The following BNIPL variants were observed in gnomAD, a reference collection of about 807,000 sequenced individuals.
BNIPL encodes the protein bcl-2/adenovirus E1B 19 kDa-interacting protein 2-like protein.
In BNIPL, 33 loss-of-function variants were observed where a neutral mutation model predicts 47.0. The ratio of observed to expected loss-of-function variants is 0.70; its 90% CI spans 0.53 to 0.94. The LOEUF is 0.94. Ranked by LOEUF, BNIPL falls within the 40% of genes least tolerant of loss-of-function variation. The pLI, the probability that BNIPL is intolerant of heterozygous loss-of-function variation, is 0.00. For synonymous variants in BNIPL, 145 were observed against 162.7 expected, an observed-to-expected ratio of 0.89 and a Z score of 0.83; for missense variants, 404 against 445.2, an observed-to-expected ratio of 0.91 and a Z score of 0.83.
At chr1:151,036,884 AAG>A (rs1675619446) in intron 1 of BNIPL, 118 bp downstream of exon 1, 4 of 1,035,844 alleles carry the variant, frequency 3.9e-6, no homozygotes, top group Admixed American at 1.8e-5. Flanking sequence ...ACAAGACTGT[AAG>A]AGAGTTTGCA....
intron 1 of BNIPL, 91 bp from the exon 2 acceptor site, chr1:151,037,476 C>T (rs1675652839): frequency 6.6e-7 from 1 of 1,510,250 alleles, no homozygotes; most frequent in African/African-American, 1.4e-5. Context: ...GGCCTATCCT[C>T]TGCTCTGTAT....
chr1:151,045,839 A>G lies in BNIPL; in HGVS notation c.894A>G (p.Thr298=), dbSNP rs747372835. The G allele has an allele frequency of 1.9e-6, 3 of 1,614,052 alleles. No homozygotes were observed. The highest frequency in any genetic ancestry group is 2.7e-5 in the African/African-American group (2 of 74,912). The part of the protein sequence containing the change: ...NLRALVVVHA[T]WYVKAFLALL... ...GAGCCCTGGTGGTTGTCCATGCTAC[A>G]TGGTATGTGAAAGCATTTCTGGCAC... The change falls in exon 8 of 10, where the codon ACA becomes ACG. Residue 298 remains threonine (T), a synonymous_variant. Coordinates refer to ENST00000368931, the MANE Select transcript of BNIPL (RefSeq NM_138278.4).
chr1:151,043,017 T>C lies in BNIPL; in HGVS notation c.495T>C (p.Gly165=), dbSNP rs768887463. The C allele has an allele frequency of 2.4e-5, 38 of 1,609,986 alleles. No individual in the cohort carries two copies. Among genetic ancestry groups the C allele is most frequent in the Non-Finnish European group, 3.0e-5 (35 of 1,179,004 alleles). The change falls in exon 5 of 10, where the codon GGT becomes GGC. Residue 165 remains glycine, a synonymous_variant. Coordinates refer to ENST00000368931, the MANE Select transcript of BNIPL (RefSeq NM_138278.4). ...AGACAGCTGAAAGGCTGGGCCGAGGTTGTATGTGGGATGTGACTGGAGAAG... is the reference window on the plus strand; with the variant it reads ...AGACAGCTGAAAGGCTGGGCCGAGGCTGTATGTGGGATGTGACTGGAGAAG... The part of the protein sequence containing the change: ...TSETAERLGR[G]CMWDVTGEDG...
At chr1:151,038,447 C>A in intron 2 of BNIPL, 57 bp from the exon 3 acceptor site, 1 of 1,313,586 alleles carries the variant, frequency 7.6e-7, no homozygotes, top group South Asian at 1.2e-5. Context: ...TATATTGAGT[C>A]CTGGCTTGAT....
At chr1:151,038,000 C>CAAAAAAAAAAAAA (rs58423611) in intron 2 of BNIPL, among the ~76,000 whole-genome samples, 10 of 63,950 alleles carry the variant, frequency 1.6e-4, no homozygotes, top group African/African-American at 8.4e-4. Flanking sequence ...AACTCTGTCT[C>CAAAAAAAAAAAAA]AAAAAAAAAA....
chr1:151,046,298 T>TG, intron 9 of BNIPL, 133 bp downstream of exon 9: 1 of 1,365,624 alleles, frequency 7.3e-7, no homozygotes, highest in African/African-American at 1.5e-5. Flanking sequence ...TTAATGTATA[T>TG]GGGGAAACTG....
chr1:151,046,222 A>C (rs1676018559), intron 9 of BNIPL, 57 bp downstream of exon 9: 11 of 1,600,278 alleles, frequency 6.9e-6, no homozygotes, highest in African/African-American at 1.3e-5. Context: ...GCCAATCTCT[A>C]CTTTTTTAAT....
At chr1:151,037,179 C>A (rs764218043) in intron 1 of BNIPL, 1 of 306,322 alleles carries the variant, frequency 3.3e-6, no homozygotes, top group Non-Finnish European at 5.6e-6. Context: ...TTTCCCTTAG[C>A]CACTCCCCAG....
At chr1:151,045,757 G>A (rs1465154277) in intron 7 of BNIPL, 40 bp from the exon 8 acceptor site, 19 of 1,613,780 alleles carry the variant, frequency 1.2e-5, no homozygotes, top group Middle Eastern at 3.3e-4. Flanking sequence ...CACACATAAA[G>A]GTGGAAGAAG....
At position 151,043,326 on chromosome 1, in the gene BNIPL, C is replaced by T. The variant is rs375333620; in HGVS notation, c.617-6C>T. The T allele has an allele frequency of 1.2e-5, 19 of 1,592,776 alleles. No individual in the cohort carries two copies. Among genetic ancestry groups the T allele is most frequent in the Non-Finnish European group, 1.6e-5 (18 of 1,160,740 alleles). ...ACCAAATGAATTTTCCCCTTACACT[C>T]TCCAGGTTACCACGGTGATGGCCTC... is the stretch of plus-strand genomic sequence containing the variant. On this transcript the variant is annotated splice_region_variant and splice_polypyrimidine_tract_variant and intron_variant, in intron 5 of 9. Coordinates refer to ENST00000368931, the MANE Select transcript of BNIPL (RefSeq NM_138278.4).
At chr1:151,039,047 C>T (rs1272982128) in intron 4 of BNIPL, 21 bp downstream of exon 4, 1 of 1,545,386 alleles carries the variant, frequency 6.5e-7, no homozygotes, top group Non-Finnish European at 8.7e-7. Flanking sequence ...AACCAGAGGA[C>T]TCAGCTGGTA....
At position 151,042,893 on chromosome 1, in the gene BNIPL, A is replaced by G. The variant is rs587751855; in HGVS notation, c.434-63A>G. 20 of 1,283,542 alleles carry G rather than the reference A, an allele frequency of 1.6e-5. No individual in the cohort carries two copies. In the East Asian group the frequency reaches 4.2e-4, roughly 27 times the overall value. The allele number at this position is 1,283,542 out of a possible 1,614,324, so 79.5% of individuals were successfully genotyped here. ...GAGTAACAAACTAGGAATCTGAGGA[A>G]GTTACAAAAAACTGAAGGTAGGAAA... On this transcript the variant is annotated intron_variant, in intron 4 of 9. Transcript: ENST00000368931.
At chr1:151,038,707 T>C in intron 3 of BNIPL, 89 bp from the exon 4 acceptor site, 1 of 1,555,140 alleles carries the variant, frequency 6.4e-7, no homozygotes, top group African/African-American at 1.4e-5. Flanking sequence ...ATTCACCCCA[T>C]ATTATCACTT....
At position 151,042,026 on chromosome 1, in the gene BNIPL, T is replaced by TTTA. The variant is rs587703205; in HGVS notation, c.434-912_434-910dup. ...GAGGGAGAATAAGAAGAATAATTTA[T>TTTA]TTATTATTATTATTATTATTTTTGA... On this transcript the variant is annotated intron_variant, in intron 4 of 9. Transcript: ENST00000368931. Among the ~76,000 whole-genome samples, 714 of 151,648 alleles carry TTTA rather than the reference T, an allele frequency of 4.7e-3. 10 individuals carry two copies. Among genetic ancestry groups the TTTA allele is most frequent in the African/African-American group, 0.016 (662 of 41,390 alleles).
chr1:151,042,898 C>CA (rs772439721), intron 4 of BNIPL, 58 bp from the exon 5 acceptor site: 1,561 of 1,356,996 alleles, frequency 1.2e-3, no homozygotes, highest in Non-Finnish European at 1.5e-3. Context: ...GAGGAAGTTA[C>CA]AAAAAACTGA....
rs755202799 is a variant in BNIPL at position 151,043,454 on chromosome 1, G to A, written c.719+20G>A. On this transcript the variant is annotated intron_variant, in intron 6 of 9. Coordinates refer to ENST00000368931, the MANE Select transcript of BNIPL (RefSeq NM_138278.4). ...GTTTAGGTGAGGTGGAAGGCCTGAA[G>A]GGCTACAGGGCAGTGTTAGGGAGGG... 5.7e-6 allele frequency: 9 copies of A among 1,570,040 alleles called. No individual in the cohort carries two copies. The highest frequency in any genetic ancestry group is 7.0e-6 in the Non-Finnish European group (8 of 1,140,002).
intron 4 of BNIPL, among the ~76,000 whole-genome samples, chr1:151,040,776 CAA>C (rs1675791315): frequency 8.4e-6 from 1 of 118,420 alleles, no homozygotes; most frequent in Admixed American, 9.4e-5. Context: ...GCCTGGGCGA[CAA>C]GAGCAAAACT....
chr1:151,036,765 G>C lies in BNIPL; in HGVS notation c.40G>C (p.Gly14Arg), dbSNP rs1227176132. ...IQEAGKKTDV[G>R]VREIAEAPEL... ...AGAGGCAGGAAAAAAGACAGATGTT[G>C]GGTAAGTAAGATCTTGGCTCACTTG... Residue 14 changes from glycine (G) to arginine (R), a missense_variant and splice_region_variant, in exon 1 of 10, where the codon GGG (glycine) becomes CGG (arginine). Gly to Arg is a moderately radical substitution (Grantham distance 125). Coordinates refer to ENST00000368931, the MANE Select transcript of BNIPL (RefSeq NM_138278.4). The C allele has an allele frequency of 1.2e-6, 2 of 1,608,516 alleles. No homozygotes were observed. Among genetic ancestry groups the C allele is most frequent in the Non-Finnish European group, 8.5e-7 (1 of 1,174,954 alleles).
Position 151,036,671 on chromosome 1 carries a change from CAG to C in BNIPL, c.-54_-53del. On this transcript the variant is annotated 5_prime_UTR_variant, in exon 1 of 10. Coordinates refer to ENST00000368931, the MANE Select transcript of BNIPL (RefSeq NM_138278.4). ...AGGAAGTGTTGGGGGCTGGGACAAC[CAG>C]CTCCCCAACAACTCCTAGGTGTTTA... 6.6e-7 allele frequency: 1 copy of C among 1,508,772 alleles called. No individual in the cohort carries two copies. The highest frequency in any genetic ancestry group is 2.3e-5 in the East Asian group (1 of 44,330). 93.5% of individuals were successfully genotyped at this position (1,508,772 alleles called of 1,614,324 possible). A position where few individuals can be genotyped will look rare whatever the true frequency, so the allele number is the denominator to read the frequency against.
Sources: allele counts gnomAD v4.1 joint callset (sites outside exome capture counted in the v4.1 genomes callset), GRCh38; gene constraint gnomAD v4.1.1; transcripts MANE v1.5; gene names NCBI Gene and HGNC (gene_info 2026-07-23, HGNC 2026-07-21).